Variants in CRACD observed in about 807,000 individuals in gnomAD.
CRACD encodes the protein capping protein inhibiting regulator of actin dynamics, also known as capping protein-inhibiting regulator of actin dynamics.
Under a neutral mutation model 106.8 loss-of-function variants are expected in CRACD, and 56 were observed. That is an observed-to-expected ratio of 0.52 (90% CI 0.42 to 0.66). The LOEUF (loss-of-function observed/expected upper bound fraction) is 0.66. Ranked by LOEUF, CRACD falls within the 30% of genes least tolerant of loss-of-function variation. The probability of loss-of-function intolerance (pLI) is 0.00; values close to 1 mark genes in which losing one functional copy is unlikely to be tolerated. For synonymous variants in CRACD, 754 were observed against 670.8 expected (o/e 1.12, Z -1.92); for missense variants, 1,730 against 1,623.2 (o/e 1.07, Z -1.13).
chr4:56,248,694 T>G (rs1466638342), intron 2 of CRACD, among the ~76,000 whole-genome samples: 1 of 148,794 alleles, frequency 6.7e-6, no homozygotes, highest in Non-Finnish European at 1.5e-5. Flanking sequence ...CATCTAGCAT[T>G]AGGTATATCT....
chr4:56,082,091 A>G (rs1733052310), intron 1 of CRACD, among the ~76,000 whole-genome samples: 1 of 152,240 alleles, frequency 6.6e-6, no homozygotes, highest in Admixed American at 6.5e-5. Flanking sequence ...GGCTCTGCAG[A>G]ACCTTAGTAT....
intron 1 of CRACD, among the ~76,000 whole-genome samples, chr4:56,118,006 G>A (rs768194262): frequency 6.6e-6 from 1 of 152,062 alleles, no homozygotes; most frequent in African/African-American, 2.4e-5. Flanking sequence ...TGATCCACCC[G>A]CCTCTGCCTC....
chr4:56,122,175 T>C (rs775393668), intron 1 of CRACD, among the ~76,000 whole-genome samples: 1 of 149,472 alleles, frequency 6.7e-6, no homozygotes. Context: ...CTTAGTGAGA[T>C]TCCATCTCTT....
rs1293226527 is a variant in CRACD at position 56,315,621 on chromosome 4, G to A, written c.2119G>A (p.Gly707Arg). 1.9e-6 allele frequency: 3 copies of A among 1,614,196 alleles called. No individual in the cohort carries two copies. Among genetic ancestry groups the A allele is most frequent in the Admixed American group, 1.7e-5 (1 of 60,030 alleles). The stretch of plus-strand genomic sequence containing the variant: ...TCCCAGGGGCCGGTGTGATTCCCGC[G>A]GGAACCAACGGAAGACTCCGCCAGT... ...STPRGRCDSR[G>R]NQRKTPPVNA... is the part of the protein sequence containing the mutation. The change falls in exon 8 of 11, where the codon GGG (glycine) becomes AGG (arginine). Residue 707 changes from glycine (G) to arginine (R), a missense_variant. Transcript: ENST00000682029. This position sits in a 1 kb window ranked among gnomAD's most constrained non-coding sequence, Gnocchi z 4.1.
At chr4:56,143,573 A>T (rs1233889979) in intron 1 of CRACD, among the ~76,000 whole-genome samples, 1 of 152,066 alleles carries the variant, frequency 6.6e-6, no homozygotes, top group Admixed American at 6.6e-5. Flanking sequence ...AGGTCGTGAA[A>T]TGTTCATGAT....
Position 56,246,994 on chromosome 4 carries a change from A to G in CRACD, c.-188-25327A>G, listed in dbSNP as rs77776117. Among the ~76,000 whole-genome samples the G allele has an allele frequency of 4.4e-3, 666 of 152,296 alleles. 3 individuals carry two copies. The highest frequency in any genetic ancestry group is 0.015 in the African/African-American group (629 of 41,556). On this transcript the variant is annotated intron_variant, in intron 2 of 10. Coordinates refer to ENST00000682029, the MANE Select transcript of CRACD (RefSeq NM_001393381.1). ...TAGATACTGAAAAAAGTTCGAGTACATTCATAGTTGGCCCTCTGTAAGTCA... is the reference window on the plus strand; with the variant it reads ...TAGATACTGAAAAAAGTTCGAGTACGTTCATAGTTGGCCCTCTGTAAGTCA...
intron 1 of CRACD, among the ~76,000 whole-genome samples, chr4:56,122,711 C>G (rs185682572): frequency 3.3e-5 from 5 of 152,278 alleles, no homozygotes; most frequent in Admixed American, 3.3e-4. Context: ...GGCAGGAGAG[C>G]CTCCTTGTTT....
intron 3 of CRACD, chr4:56,297,822 CT>C (rs1744135827): frequency 6.4e-6 from 1 of 155,080 alleles, no homozygotes; most frequent in South Asian, 2.0e-4. Context: ...GAAAGAAATC[CT>C]TGCCTCTTAC....
intron 1 of CRACD, among the ~76,000 whole-genome samples, chr4:56,071,654 T>C (rs546417538): frequency 3.2e-4 from 48 of 151,948 alleles, no homozygotes; most frequent in Non-Finnish European, 5.7e-4. Flanking sequence ...GTATTACAGA[T>C]GTGTGCCACC....
Position 56,327,315 on chromosome 4 carries a change from T to C in CRACD, c.3542-329T>C, listed in dbSNP as rs540422452. ...TCTTTTTTCAGTCTCACACTTCTGA[T>C]AAATCAAAATATGGCTGGGGTGGGG... On this transcript the variant is annotated intron_variant, in intron 10 of 10. Coordinates refer to ENST00000682029, the MANE Select transcript of CRACD (RefSeq NM_001393381.1). 5.9e-5 allele frequency among the ~76,000 whole-genome samples: 9 copies of C among 152,206 alleles called. No homozygotes were observed. The South Asian group carries it at 1.0e-3, about 18-fold the overall frequency.
chr4:56,183,891 G>C lies in CRACD; in HGVS notation c.-189+4461G>C, dbSNP rs374993001. ...ACCATGTTTTTGTTTACATAGCCTT[G>C]TAGTTTCCTTTCAAGGTCCTTTTTT... On this transcript the variant is annotated intron_variant, in intron 2 of 10. Transcript: ENST00000682029. Among the ~76,000 whole-genome samples, 6 of 152,240 alleles carry C rather than the reference G, an allele frequency of 3.9e-5. No homozygotes were observed. The East Asian group carries it at 9.7e-4, about 24-fold the overall frequency.
chr4:56,308,344 T>C (rs535430836), intron 5 of CRACD, among the ~76,000 whole-genome samples: 17 of 152,084 alleles, frequency 1.1e-4, no homozygotes, highest in African/African-American at 3.9e-4. Flanking sequence ...TTTGAGCATA[T>C]CCTGAAATGA....
chr4:56,249,838 T>C (rs1740943501), intron 2 of CRACD, among the ~76,000 whole-genome samples: 1 of 152,172 alleles, frequency 6.6e-6, no homozygotes, highest in South Asian at 2.1e-4. Flanking sequence ...AGTTTAAAAT[T>C]GTATGTGTGC....
At chr4:56,169,840 A>G (rs1736292224) in intron 1 of CRACD, among the ~76,000 whole-genome samples, 1 of 152,138 alleles carries the variant, frequency 6.6e-6, no homozygotes, top group African/African-American at 2.4e-5. Context: ...GCCAAGTATC[A>G]GGGAGATGAG....
chr4:56,118,475 G>T (rs1284307507), intron 1 of CRACD, among the ~76,000 whole-genome samples: 2 of 152,216 alleles, frequency 1.3e-5, no homozygotes, highest in African/African-American at 4.8e-5. Context: ...GGGCAGTCGA[G>T]CCACAAACTA....
intron 2 of CRACD, among the ~76,000 whole-genome samples, chr4:56,213,004 C>G (rs192849921): frequency 2.1e-4 from 25 of 117,330 alleles, no homozygotes; most frequent in African/African-American, 6.9e-4. Flanking sequence ...GCTTACCGTG[C>G]CCCAGTTGCT....
intron 1 of CRACD, among the ~76,000 whole-genome samples, chr4:56,154,200 G>A (rs547849768): frequency 1.3e-5 from 2 of 152,230 alleles, no homozygotes; most frequent in Admixed American, 6.5e-5. Flanking sequence ...GCATGGTGGC[G>A]CATGCCTGTA....
chr4:56,306,006 T>C (rs993318042), intron 4 of CRACD, among the ~76,000 whole-genome samples: 1 of 152,190 alleles, frequency 6.6e-6, no homozygotes, highest in African/African-American at 2.4e-5. Context: ...TGGAGTACAA[T>C]GAAAACAACA....
At chr4:56,202,466 C>T (rs1056619941) in intron 2 of CRACD, among the ~76,000 whole-genome samples, 4 of 152,132 alleles carry the variant, frequency 2.6e-5, no homozygotes, top group African/African-American at 4.8e-5. Context: ...AGGCTGGTCT[C>T]GAACACCTCA....
Sources: allele counts gnomAD v4.1 joint callset (sites outside exome capture counted in the v4.1 genomes callset), GRCh38; gene constraint gnomAD v4.1.1; non-coding constraint Gnocchi (gnomAD v3.1); transcripts MANE v1.5; gene names NCBI Gene and HGNC (gene_info 2026-07-23, HGNC 2026-07-21).